CFAP299: variants seen among roughly 807,000 people sequenced by gnomAD.
CFAP299 encodes the protein cilia- and flagella-associated protein 299.
A neutral mutation model predicts 27.0 loss-of-function variants in CFAP299; 21 were observed. The observed-to-expected ratio is 0.78, with a 90% CI of 0.55 to 1.12. The LOEUF (loss-of-function observed/expected upper bound fraction) is 1.12. Among genes scored for constraint, CFAP299 ranks in the 50% most tolerant of loss-of-function variants. The probability of loss-of-function intolerance (pLI) is 0.00; values close to 1 mark genes in which losing one functional copy is unlikely to be tolerated. For missense variants in CFAP299, 310 were observed against 276.6 expected, an observed-to-expected ratio of 1.12 and a Z score of -0.86; for synonymous variants, 104 against 98.1, an observed-to-expected ratio of 1.06 and a Z score of -0.36.
At chr4:80,632,888 A>G (rs113479081) in intron 3 of CFAP299, among the ~76,000 whole-genome samples, 2,557 of 152,310 alleles carry the variant, frequency 0.017, 52 homozygotes, top group Admixed American at 0.059. Context: ...ATTAGCTTCT[A>G]TAATATGAAT....
intron 2 of CFAP299, among the ~76,000 whole-genome samples, chr4:80,573,872 T>C (rs973607516): frequency 1.3e-5 from 2 of 152,176 alleles, no homozygotes; most frequent in Non-Finnish European, 2.9e-5. Context: ...CTCCATAGTA[T>C]AATTTGAAGT....
chr4:80,695,558 A>G (rs1721033868), intron 3 of CFAP299, among the ~76,000 whole-genome samples: 1 of 152,176 alleles, frequency 6.6e-6, no homozygotes, highest in African/African-American at 2.4e-5. Flanking sequence ...ATCGTTAAAT[A>G]AGCCTCTCCT....
At chr4:80,447,138 T>G (rs13104340) in intron 2 of CFAP299, among the ~76,000 whole-genome samples, 68,335 of 111,414 alleles carry the variant, frequency 0.61, 20,181 homozygotes, top group East Asian at 0.71. Context: ...TTGTTTTTTT[T>G]TTTTTTTTTT....
chr4:80,768,446 T>G (rs1343723469), intron 3 of CFAP299, among the ~76,000 whole-genome samples: 1 of 152,220 alleles, frequency 6.6e-6, no homozygotes, highest in African/African-American at 2.4e-5. Flanking sequence ...ACAAAACATT[T>G]TATTTTTAAC....
chr4:80,743,380 T>C (rs1461705817), intron 3 of CFAP299, among the ~76,000 whole-genome samples: 3 of 152,196 alleles, frequency 2.0e-5, no homozygotes, highest in Non-Finnish European at 4.4e-5. Flanking sequence ...CATACATACA[T>C]ACATCAAATA....
chr4:80,737,066 A>G (rs1275388550), intron 3 of CFAP299, among the ~76,000 whole-genome samples: 1 of 151,976 alleles, frequency 6.6e-6, no homozygotes, highest in Non-Finnish European at 1.5e-5. Context: ...CACAAAAACA[A>G]AAAACCAAAC....
rs766163358 is a variant in CFAP299 at position 80,944,809 on chromosome 4, G to A, written c.477-1G>A. On this transcript the variant is annotated splice_acceptor_variant, in intron 4 of 5. Coordinates refer to ENST00000358105, the MANE Select transcript of CFAP299 (RefSeq NM_152770.3). LOFTEE classifies it high-confidence loss of function. ...TTCCTAATAAATGTTTATTTTTATA[G>A]CTTTTACAACTGGGACGCTGATATT... is the stretch of plus-strand genomic sequence containing the variant. 6.3e-7 allele frequency: 1 copy of A among 1,588,740 alleles called. No homozygotes were observed. The highest frequency in any genetic ancestry group is 1.1e-5 in the South Asian group (1 of 88,206).
chr4:80,377,773 C>T (rs116350795), intron 2 of CFAP299, among the ~76,000 whole-genome samples: 14 of 152,086 alleles, frequency 9.2e-5, no homozygotes, highest in Admixed American at 2.6e-4. Flanking sequence ...ATTTCTCTCA[C>T]GAATGTTTTA....
intron 2 of CFAP299, among the ~76,000 whole-genome samples, chr4:80,467,467 C>G (rs1729762890): frequency 6.6e-6 from 1 of 152,114 alleles, no homozygotes; most frequent in African/African-American, 2.4e-5. Flanking sequence ...CCAACATTCC[C>G]CACTCTACCT....
intron 4 of CFAP299, among the ~76,000 whole-genome samples, chr4:80,886,813 T>G (rs1181525655): frequency 6.6e-6 from 1 of 151,860 alleles, no homozygotes; most frequent in East Asian, 1.9e-4. Context: ...AGGAGAAAAC[T>G]CGAAGAAATT....
chr4:80,912,234 A>C (rs1011395528), intron 4 of CFAP299, among the ~76,000 whole-genome samples: 1 of 152,206 alleles, frequency 6.6e-6, no homozygotes, highest in African/African-American at 2.4e-5. Flanking sequence ...TGCCTCTTCA[A>C]GATCTTAAAT....
chr4:80,666,311 A>C (rs1014761404), intron 3 of CFAP299, among the ~76,000 whole-genome samples: 1 of 151,876 alleles, frequency 6.6e-6, no homozygotes, highest in Non-Finnish European at 1.5e-5. Flanking sequence ...AGCCTGCTCT[A>C]CCTCTTCCTT....
intron 2 of CFAP299, among the ~76,000 whole-genome samples, chr4:80,507,211 T>G (rs1348753318): frequency 2.6e-5 from 4 of 152,120 alleles, no homozygotes; most frequent in African/African-American, 9.7e-5. Flanking sequence ...AAGGGAGCTG[T>G]CCATATAATC....
intron 3 of CFAP299, among the ~76,000 whole-genome samples, chr4:80,813,852 A>G (rs1192583669): frequency 6.6e-6 from 1 of 151,998 alleles, no homozygotes; most frequent in African/African-American, 2.4e-5. Context: ...GAAAAGGAAA[A>G]AAACAAAAGA....
At chr4:80,908,566 C>T (rs898663121) in intron 4 of CFAP299, among the ~76,000 whole-genome samples, 1 of 152,118 alleles carries the variant, frequency 6.6e-6, no homozygotes, top group East Asian at 1.9e-4. Flanking sequence ...GGTGATGTAC[C>T]TGCCCGTACA....
chr4:80,591,190 C>T (rs1479689293), intron 3 of CFAP299, among the ~76,000 whole-genome samples: 3 of 130,168 alleles, frequency 2.3e-5, no homozygotes, highest in Non-Finnish European at 4.7e-5. Context: ...GTGGCGGGAT[C>T]TAGGCTCACT....
At chr4:80,901,190 T>C (rs967156903) in intron 4 of CFAP299, among the ~76,000 whole-genome samples, 2 of 152,174 alleles carry the variant, frequency 1.3e-5, no homozygotes, top group African/African-American at 2.4e-5. Flanking sequence ...AAAAAAAATA[T>C]ACCTATCACA....
chr4:80,335,713 C>G (rs1578325153), upstream of CFAP299: 3 of 1,050,948 alleles, frequency 2.9e-6, no homozygotes, highest in East Asian at 7.1e-5. Context: ...GGTGGAGCCT[C>G]CTGACCCTGC....
intron 2 of CFAP299, among the ~76,000 whole-genome samples, chr4:80,380,654 C>T (rs780615359): frequency 1.3e-5 from 2 of 152,138 alleles, no homozygotes; most frequent in African/African-American, 2.4e-5. Context: ...GTCTCAAACT[C>T]CTGACCTCAG....
Sources: allele counts gnomAD v4.1 joint callset (sites outside exome capture counted in the v4.1 genomes callset), GRCh38; gene constraint gnomAD v4.1.1; transcripts MANE v1.5; gene names NCBI Gene and HGNC (gene_info 2026-07-23, HGNC 2026-07-21).